The following NME7 variants were observed in gnomAD, a reference collection of about 807,000 sequenced individuals.
NME7 encodes NME/NM23 family member 7, also known as nucleoside diphosphate kinase 7.
In NME7, 41 loss-of-function variants were observed where a neutral mutation model predicts 49.1. The ratio of observed to expected loss-of-function variants is 0.83; its 90% CI spans 0.65 to 1.08. The LOEUF is 1.08. NME7 is among the 50% of genes least tolerant of loss of function. NME7 has a pLI of 0.00. For synonymous variants in NME7, 139 were observed against 150.6 expected, an observed-to-expected ratio of 0.92 and a Z score of 0.56; for missense variants, 423 against 463.4, an observed-to-expected ratio of 0.91 and a Z score of 0.80.
At chr1:169,323,494 A>T (rs1196892907) in intron 2 of NME7, among the ~76,000 whole-genome samples, 1 of 152,252 alleles carries the variant, frequency 6.6e-6, no homozygotes, top group Non-Finnish European at 1.5e-5. Flanking sequence ...GCTTCTTATT[A>T]CAAATTTAAT....
At chr1:169,294,351 A>G (rs1477700206) in intron 6 of NME7, among the ~76,000 whole-genome samples, 1 of 152,186 alleles carries the variant, frequency 6.6e-6, no homozygotes, top group Non-Finnish European at 1.5e-5. Context: ...CAAAGACAGT[A>G]TTTTCAGGAA....
chr1:169,254,722 C>T (rs1648832638), intron 7 of NME7, among the ~76,000 whole-genome samples: 1 of 144,996 alleles, frequency 6.9e-6, no homozygotes, highest in Admixed American at 6.9e-5. Flanking sequence ...TTTCCCTCTA[C>T]ACACTGCTTC....
At chr1:169,364,682 C>A (rs971598796) in intron 1 of NME7, among the ~76,000 whole-genome samples, 10 of 152,196 alleles carry the variant, frequency 6.6e-5, no homozygotes, top group African/African-American at 2.2e-4. Context: ...TTGCTTCTAA[C>A]CTCACAAAGC....
intron 1 of NME7, among the ~76,000 whole-genome samples, chr1:169,349,856 T>C (rs1653088097): frequency 6.6e-6 from 1 of 152,082 alleles, no homozygotes; most frequent in African/African-American, 2.4e-5. Context: ...ATTAGAATAG[T>C]TTTCTAAGCA....
At chr1:169,275,010 A>C (rs1330257092) in intron 7 of NME7, among the ~76,000 whole-genome samples, 1 of 132,680 alleles carries the variant, frequency 7.5e-6, no homozygotes, top group African/African-American at 2.5e-5. Flanking sequence ...GAAGAAAGGC[A>C]TTGGTAGCTT....
intron 10 of NME7, among the ~76,000 whole-genome samples, chr1:169,199,954 A>G (rs1660501013): frequency 6.6e-6 from 1 of 152,136 alleles, no homozygotes; most frequent in South Asian, 2.1e-4. Context: ...GGTATGACTG[A>G]TATAGAACTT....
intron 7 of NME7, among the ~76,000 whole-genome samples, chr1:169,253,732 G>A (rs1386738425): frequency 4.6e-5 from 7 of 152,006 alleles, no homozygotes; most frequent in East Asian, 1.9e-4. Flanking sequence ...TTTGAAATAC[G>A]TCCCATCAAT....
chr1:169,338,430 G>A (rs945104644), intron 1 of NME7, among the ~76,000 whole-genome samples: 1 of 152,160 alleles, frequency 6.6e-6, no homozygotes, highest in Non-Finnish European at 1.5e-5. Flanking sequence ...TTTTGTTAGT[G>A]AAAAATGCCA....
chr1:169,177,449 A>T (rs1659784710), intron 10 of NME7, among the ~76,000 whole-genome samples: 1 of 152,102 alleles, frequency 6.6e-6, no homozygotes, highest in Non-Finnish European at 1.5e-5. Context: ...GAATCATACC[A>T]CTTTCCTGCC....
At chr1:169,352,833 A>G (rs552617060) in intron 1 of NME7, among the ~76,000 whole-genome samples, 4 of 152,214 alleles carry the variant, frequency 2.6e-5, no homozygotes, top group Non-Finnish European at 4.4e-5. Flanking sequence ...AATAAAATAC[A>G]TAGGAATTAA....
At chr1:169,216,718 C>T (rs1002222728) in intron 10 of NME7, among the ~76,000 whole-genome samples, 2 of 152,174 alleles carry the variant, frequency 1.3e-5, no homozygotes, top group Non-Finnish European at 1.5e-5. Context: ...GAACCCTCAA[C>T]CTATGGGATC....
intron 4 of NME7, among the ~76,000 whole-genome samples, chr1:169,306,993 G>A (rs2101916737): frequency 6.6e-6 from 1 of 152,326 alleles, no homozygotes; most frequent in Admixed American, 6.5e-5. Context: ...GGAGACACTG[G>A]AATAGAAGGA....
intron 5 of NME7, among the ~76,000 whole-genome samples, chr1:169,300,807 C>T (rs1278389980): frequency 6.6e-6 from 1 of 152,050 alleles, no homozygotes; most frequent in Non-Finnish European, 1.5e-5. Flanking sequence ...TGAACTTTGA[C>T]AAAGTCAACA....
rs57821905 is a variant in NME7, at chr1:169,146,406, C to T, written c.1099-13589G>A. Among the ~76,000 whole-genome samples, 241 of 152,256 alleles carry T rather than the reference C, an allele frequency of 1.6e-3. 2 individuals are homozygous for T. The highest frequency in any genetic ancestry group is 5.4e-3 in the African/African-American group (226 of 41,530). On this transcript the variant is annotated intron_variant, in intron 11 of 11. Transcript: ENST00000367811. ...AAATGAATGTATTTATCAATAATTA[C>T]AGATAAACTCACCAAAAGTACAGCC...
At chr1:169,167,704 G>A (rs1659456524) in intron 11 of NME7, among the ~76,000 whole-genome samples, 2 of 152,066 alleles carry the variant, frequency 1.3e-5, no homozygotes, top group Admixed American at 6.5e-5. Context: ...TGTCTGGTTT[G>A]GGGATGTTAC....
intron 1 of NME7, among the ~76,000 whole-genome samples, chr1:169,348,285 T>C (rs1424829198): frequency 6.6e-6 from 1 of 152,094 alleles, no homozygotes; most frequent in Non-Finnish European, 1.5e-5. Flanking sequence ...AACATTATTT[T>C]TATTTTGTAG....
intron 7 of NME7, among the ~76,000 whole-genome samples, chr1:169,247,522 G>T (rs529727926): frequency 7.2e-5 from 11 of 152,194 alleles, no homozygotes; most frequent in African/African-American, 2.6e-4. Context: ...GGGTACAAGT[G>T]GTTTTGGTCA....
chr1:169,355,227 ATAATATATAATATATT>A (rs1653404622), intron 1 of NME7, among the ~76,000 whole-genome samples: 1 of 67,248 alleles, frequency 1.5e-5, no homozygotes, highest in Non-Finnish European at 2.7e-5. Flanking sequence ...TATTATAGAT[ATAATATATAATATATT>A]ATATATTATA....
rs1443644728 is a variant in NME7 at position 169,230,777 on chromosome 1, C to T, written c.931G>A (p.Glu311Lys). 1 of 1,607,634 alleles carries T rather than the reference C, an allele frequency of 6.2e-7. No individual in the cohort carries two copies. The highest frequency in any genetic ancestry group is 1.3e-5 in the African/African-American group (1 of 74,882). ...EMYSGPCVAM[E>K]IQQNNATKTF... ...TTTGTAGCATTATTCTGTTGAATCT[C>T]CATTGCTACACAAGGGCCAGAATAC... The change falls in exon 10 of 12, where the codon GAG (glutamate) becomes AAG (lysine). Residue 311 changes from glutamate (E) to lysine (K), a missense_variant. Transcript: ENST00000367811.
Sources: gnomAD v4.1 joint callset for allele counts (sites outside exome capture counted in the v4.1 genomes callset) on GRCh38, gnomAD v4.1.1 for gene constraint, MANE v1.5 for transcripts, NCBI Gene and HGNC (gene_info 2026-07-23, HGNC 2026-07-21) for gene names.